SLC35A3: variants seen among roughly 807,000 people sequenced by gnomAD.
The protein encoded by SLC35A3 is solute carrier family 35 member A3.
SLC35A3 carries 26 observed loss-of-function variants against 39.0 expected under a neutral mutation model. The ratio of observed to expected loss-of-function variants is 0.67; its 90% confidence interval spans 0.49 to 0.92. The LOEUF (loss-of-function observed/expected upper bound fraction) is 0.92, where lower values mean the gene tolerates loss of function less well. Among genes scored for constraint, SLC35A3 ranks in the 40% least tolerant of loss-of-function variants. SLC35A3 has a pLI of 0.00. For missense variants in SLC35A3, 299 were observed against 371.6 expected (o/e 0.80, Z 1.61); for synonymous variants, 135 against 133.1 (o/e 1.01, Z -0.10).
At position 100,033,947 on chromosome 1, in the gene SLC35A3, CA is replaced by C. The variant is rs1471517865; in HGVS notation, c.*11473del. ...TCAAGGAGGGCTTGTAAGTACTGTA[CA>C]ATATTCTCTGAGTTGTGACATGTTT... is the stretch of plus-strand genomic sequence containing the variant. On this transcript the variant is annotated 3_prime_UTR_variant, in exon 8 of 8. Coordinates refer to ENST00000533028, the MANE Select transcript of SLC35A3 (RefSeq NM_012243.3). The C allele has an allele frequency of 6.6e-6, 1 of 152,110 alleles. No individual in the cohort carries two copies. The highest frequency in any genetic ancestry group is 1.5e-5 in the Non-Finnish European group (1 of 68,020). 9.4% of individuals were successfully genotyped at this position (152,110 alleles called of 1,614,324 possible). A position where few individuals can be genotyped will look rare whatever the true frequency, so the allele number is the denominator to read the frequency against.
chr1:99,999,431 TTC>T lies in SLC35A3; in HGVS notation c.342+18_342+19del, dbSNP rs771563220. On this transcript the variant is annotated intron_variant, in intron 3 of 7. Coordinates refer to ENST00000533028, the MANE Select transcript of SLC35A3 (RefSeq NM_012243.3). ...TACTTATCAGGTACTTAAAATACAT[TTC>T]TTTCTTTTTTAAAAAAACTTTTTTC... is the stretch of plus-strand genomic sequence containing the variant. 8 of 1,553,152 alleles carry T rather than the reference TTC, an allele frequency of 5.2e-6. No individual in the cohort carries two copies. The highest frequency in any genetic ancestry group is 5.0e-5 in the South Asian group (4 of 80,162).
chr1:99,971,080 G>A (rs1656782310), intron 1 of SLC35A3, among the ~76,000 whole-genome samples: 2 of 152,056 alleles, frequency 1.3e-5, no homozygotes, highest in South Asian at 4.1e-4. Context: ...CCTCAGCCTG[G>A]CACCCTTCCA....
At chr1:100,007,261 A>G (rs1570609456) in intron 4 of SLC35A3, 105 bp downstream of exon 4, 3 of 1,045,376 alleles carry the variant, frequency 2.9e-6, no homozygotes, top group East Asian at 5.0e-5. Flanking sequence ...AAACCAACAA[A>G]TGTTTTTCCC....
Position 100,029,309 on chromosome 1 carries a change from C to CT in SLC35A3, c.*6836dup, listed in dbSNP as rs1287675456. On this transcript the variant is annotated 3_prime_UTR_variant, in exon 8 of 8. Transcript: ENST00000533028. ...GAACTCCCAAAGACTTACACCAGAA[C>CT]TTTCTTTGGATGGGCCAAATTTCTT... 6.6e-6 allele frequency: 1 copy of CT among 152,068 alleles called. No individual in the cohort carries two copies. The highest frequency in any genetic ancestry group is 2.4e-5 in the African/African-American group (1 of 41,392). 9.4% of individuals were successfully genotyped at this position (152,068 alleles called of 1,614,324 possible). A position where few individuals can be genotyped will look rare whatever the true frequency, so the allele number is the denominator to read the frequency against.
intron 3 of SLC35A3, among the ~76,000 whole-genome samples, chr1:100,001,742 C>T (rs1007734147): frequency 2.0e-5 from 3 of 151,958 alleles, no homozygotes; most frequent in Non-Finnish European, 4.4e-5. Context: ...CCAGCTTTTC[C>T]GCATTCAGTA....
intron 1 of SLC35A3, chr1:99,979,115 C>A (rs1476694237): frequency 6.6e-6 from 1 of 152,204 alleles, no homozygotes. Context: ...ATATTAATTT[C>A]TTGTGGCTGC....
In SLC35A3 at chr1:100,024,110, T is replaced by A. The variant is rs893413287; in HGVS notation, c.*1634T>A. The stretch of plus-strand genomic sequence containing the variant: ...TGAACACTGGAGCTGAGGATGCAGA[T>A]TACATGAGTTATTTAATAAGTTGAT... On this transcript the variant is annotated 3_prime_UTR_variant, in exon 8 of 8. Coordinates refer to ENST00000533028, the MANE Select transcript of SLC35A3 (RefSeq NM_012243.3). 2.0e-5 allele frequency: 3 copies of A among 152,082 alleles called. No homozygotes were observed. Among genetic ancestry groups the A allele is most frequent in the African/African-American group, 7.2e-5 (3 of 41,392 alleles). The allele number at this position is 152,082 out of a possible 1,614,324, so 9.4% of individuals were successfully genotyped here. A position where few individuals can be genotyped will look rare whatever the true frequency, so the allele number is the denominator to read the frequency against.
In SLC35A3 at chr1:100,000,223, C is replaced by T. The variant is rs118056241; in HGVS notation, c.342+808C>T. On this transcript the variant is annotated intron_variant, in intron 3 of 7. Coordinates refer to ENST00000533028, the MANE Select transcript of SLC35A3 (RefSeq NM_012243.3). ...CAATGTACAAGAGCTCCTTTTTCTC[C>T]ACATACTCACCAGCACTGGTTATTT... 2.5e-3 allele frequency among the ~76,000 whole-genome samples: 385 copies of T among 152,210 alleles called. 8 individuals are homozygous for T. In the East Asian group the frequency reaches 0.047, roughly 19 times the overall value.
chr1:100,002,614 T>TTTG (rs1316372251), intron 3 of SLC35A3, among the ~76,000 whole-genome samples: 2 of 152,230 alleles, frequency 1.3e-5, no homozygotes, highest in Non-Finnish European at 2.9e-5. Context: ...GCCCTGATCT[T>TTTG]TTGTTGTTGT....
Position 100,032,681 on chromosome 1 carries a change from G to A in SLC35A3, c.*10205G>A, listed in dbSNP as rs1453524781. On this transcript the variant is annotated 3_prime_UTR_variant, in exon 8 of 8. Coordinates refer to ENST00000533028, the MANE Select transcript of SLC35A3 (RefSeq NM_012243.3). ...CTTCCTCAGCCTCCTGAGTAGCTGG[G>A]ACTATAGGTGCCTGCCACCGCGCCT... is the stretch of plus-strand genomic sequence containing the variant. The A allele has an allele frequency of 1.3e-5, 2 of 152,154 alleles. No homozygotes were observed. Among genetic ancestry groups the A allele is most frequent in the Admixed American group, 1.3e-4 (2 of 15,268 alleles). The allele number at this position is 152,154 out of a possible 1,614,324, so 9.4% of individuals were successfully genotyped here. A position where few individuals can be genotyped will look rare whatever the true frequency, so the allele number is the denominator to read the frequency against.
At chr1:99,981,295 A>G (rs1657433813) in intron 1 of SLC35A3, among the ~76,000 whole-genome samples, 1 of 152,024 alleles carries the variant, frequency 6.6e-6, no homozygotes, top group Non-Finnish European at 1.5e-5. Flanking sequence ...TATGTCATTA[A>G]CCTCTAGTAG....
rs1660985347 is a variant in SLC35A3, at chr1:100,027,434, A to C, written c.*4958A>C. On this transcript the variant is annotated 3_prime_UTR_variant, in exon 8 of 8. Transcript: ENST00000533028. ...ACTACTGGACTCTAGCCTGAGTGAC[A>C]GTGAGACTCTGTCTCAAAAAACAAA... 1 of 372,790 alleles carries C rather than the reference A, an allele frequency of 2.7e-6. No individual in the cohort carries two copies. Among genetic ancestry groups the C allele is most frequent in the Admixed American group, 4.6e-5 (1 of 21,888 alleles). 23.1% of individuals were successfully genotyped at this position (372,790 alleles called of 1,614,324 possible). A position where few individuals can be genotyped will look rare whatever the true frequency, so the allele number is the denominator to read the frequency against.
intron 6 of SLC35A3, 78 bp from the exon 7 acceptor site, chr1:100,017,604 A>C (rs146286932): frequency 0.011 from 9,398 of 878,838 alleles, 65 homozygotes; most frequent in Middle Eastern, 0.034. Flanking sequence ...AAAAGCTTAA[A>C]GCTTTATTAA....
chr1:100,015,335 T>C lies in SLC35A3; in HGVS notation c.668T>C (p.Val223Ala). The C allele has an allele frequency of 1.2e-6, 2 of 1,612,864 alleles. No homozygotes were observed. Among genetic ancestry groups the C allele is most frequent in the African/African-American group, 1.3e-5 (1 of 75,006 alleles). The change falls in exon 6 of 8, where the codon GTA becomes GCA. Residue 223 changes from valine to alanine, a missense_variant. Val to Ala is a moderately conservative substitution (Grantham distance 64). Transcript: ENST00000533028. Reference sequence around the variant, plus strand: ...GGAAGTATATTTGGATTAATGGGTGTATACATTTATGATGGAGAACTGGTA... The same window carrying C: ...GGAAGTATATTTGGATTAATGGGTGCATACATTTATGATGGAGAACTGGTA... ...FFGSIFGLMGVYIYDGELVSK... is the reference protein window; with the variant it reads ...FFGSIFGLMGAYIYDGELVSK...
At chr1:99,972,075 A>G (rs904993380) in intron 1 of SLC35A3, among the ~76,000 whole-genome samples, 1 of 151,600 alleles carries the variant, frequency 6.6e-6, no homozygotes, top group African/African-American at 2.4e-5. Context: ...ATTTTTTTGT[A>G]GTTTTAGTTG....
intron 6 of SLC35A3, among the ~76,000 whole-genome samples, chr1:100,016,296 C>T (rs1660107556): frequency 6.6e-6 from 1 of 151,468 alleles, no homozygotes; most frequent in Non-Finnish European, 1.5e-5. Flanking sequence ...GATCTCCTGA[C>T]CTCGTTATCC....
At position 100,031,030 on chromosome 1, in the gene SLC35A3, TCAAATTTC is replaced by T. The variant is rs1184163324; in HGVS notation, c.*8557_*8564del. ...TTGGATGTTATATACACATAATGCC[TCAAATTTC>T]CATTATTTCATATTATTTTTCTCCA... On this transcript the variant is annotated 3_prime_UTR_variant, in exon 8 of 8. Coordinates refer to ENST00000533028, the MANE Select transcript of SLC35A3 (RefSeq NM_012243.3). The T allele has an allele frequency of 6.6e-6, 1 of 152,188 alleles. No individual in the cohort carries two copies. The highest frequency in any genetic ancestry group is 1.5e-5 in the Non-Finnish European group (1 of 68,032). The allele number at this position is 152,188 out of a possible 1,614,324, so 9.4% of individuals were successfully genotyped here.
At chr1:99,988,910 G>T (rs1657913056) in intron 1 of SLC35A3, among the ~76,000 whole-genome samples, 2 of 151,952 alleles carry the variant, frequency 1.3e-5, no homozygotes, top group South Asian at 4.1e-4. Context: ...GGAACTACAT[G>T]CATGTAGCAC....
chr1:99,994,281 G>A (rs1479681634), intron 2 of SLC35A3, among the ~76,000 whole-genome samples: 1 of 151,988 alleles, frequency 6.6e-6, no homozygotes, highest in East Asian at 1.9e-4. Context: ...TATTTGTAGT[G>A]TACACTTCAT....
Sources: gnomAD v4.1 joint callset for allele counts (sites outside exome capture counted in the v4.1 genomes callset) on GRCh38, gnomAD v4.1.1 for gene constraint, MANE v1.5 for transcripts, NCBI Gene and HGNC (gene_info 2026-07-23, HGNC 2026-07-21) for gene names.